PCDHA9: variants seen among roughly 807,000 people sequenced by gnomAD.
The protein encoded by PCDHA9 is protocadherin alpha-9.
PCDHA9 carries 62 observed loss-of-function variants against 62.0 expected under a neutral mutation model. The observed-to-expected ratio is 1.00, with a 90% CI of 0.81 to 1.23. The LOEUF is 1.23. Ranked by LOEUF, PCDHA9 falls within the 50% of genes most tolerant of loss-of-function variation. PCDHA9 has a pLI of 0.00. For synonymous variants in PCDHA9, 557 were observed against 567.6 expected, an observed-to-expected ratio of 0.98 and a Z score of 0.27; for missense variants, 1,205 against 1,249.8, an observed-to-expected ratio of 0.96 and a Z score of 0.54.
At chr5:140,886,155 T>C (rs528104847) in intron 1 of PCDHA9, among the ~76,000 whole-genome samples, 1 of 152,212 alleles carries the variant, frequency 6.6e-6, no homozygotes, top group African/African-American at 2.4e-5. Context: ...CACCTTTTTA[T>C]AGCCACATCT....
At chr5:140,866,639 A>G (rs782198143) in intron 1 of PCDHA9, 1 of 152,148 alleles carries the variant, frequency 6.6e-6, no homozygotes, top group Non-Finnish European at 1.5e-5. Flanking sequence ...CAACGGTGTC[A>G]AAATTTATTT....
chr5:140,885,367 G>T (rs1476588272), intron 1 of PCDHA9, among the ~76,000 whole-genome samples: 2 of 152,244 alleles, frequency 1.3e-5, no homozygotes, highest in African/African-American at 4.8e-5. Flanking sequence ...GTGACTGAAA[G>T]TACCTTTTGG....
chr5:140,863,505 C>A, intron 1 of PCDHA9: 1 of 421,530 alleles, frequency 2.4e-6, no homozygotes. Flanking sequence ...GGCTTTTAGT[C>A]CTAGTGTTCT....
Position 141,010,339 on chromosome 5 carries a change from A to C in PCDHA9, c.*402A>C. ...TTGAGCAGCTTGGGAGTTTGTGGCCACTGGGTATGTGTGGCTACCGCGGGT... is the reference window on the plus strand; with the variant it reads ...TTGAGCAGCTTGGGAGTTTGTGGCCCCTGGGTATGTGTGGCTACCGCGGGT... On this transcript the variant is annotated 3_prime_UTR_variant, in exon 4 of 4. Coordinates refer to ENST00000532602, the MANE Select transcript of PCDHA9 (RefSeq NM_031857.2). 6.5e-7 allele frequency: 1 copy of C among 1,534,060 alleles called. No homozygotes were observed. The highest frequency in any genetic ancestry group is 8.8e-7 in the Non-Finnish European group (1 of 1,140,682).
chr5:140,891,756 G>A (rs782304941), intron 1 of PCDHA9, among the ~76,000 whole-genome samples: 20 of 152,144 alleles, frequency 1.3e-4, no homozygotes, highest in Non-Finnish European at 2.5e-4. Flanking sequence ...AACAGTGTTG[G>A]GAGGTGGGGA....
chr5:140,877,224 G>C (rs986695805), intron 1 of PCDHA9: 6 of 1,613,712 alleles, frequency 3.7e-6, no homozygotes, highest in Admixed American at 1.7e-5. Flanking sequence ...TACCGCGGTC[G>C]GTGGGTGCGG....
chr5:140,928,033 A>G, intron 1 of PCDHA9: 1 of 1,614,198 alleles, frequency 6.2e-7, no homozygotes, highest in Non-Finnish European at 8.5e-7. Context: ...TGGCATGTCT[A>G]GTGCAGGCCC....
At chr5:141,001,097 T>TC (rs1554257999) in intron 3 of PCDHA9, among the ~76,000 whole-genome samples, 1 of 152,114 alleles carries the variant, frequency 6.6e-6, no homozygotes, top group Non-Finnish European at 1.5e-5. Flanking sequence ...AACTGTCTAA[T>TC]CCATAATAAG....
intron 1 of PCDHA9, chr5:140,862,425 A>T: frequency 2.8e-6 from 1 of 353,460 alleles, no homozygotes; most frequent in Non-Finnish European, 5.6e-6. Context: ...GCTGCCCAGA[A>T]ACTATTCGTT....
At chr5:140,852,691 T>C (rs1027871378) in intron 1 of PCDHA9, 4 of 974,686 alleles carry the variant, frequency 4.1e-6, no homozygotes, top group East Asian at 1.1e-4. Context: ...TATAGTCTTA[T>C]ACTTTCAAGT....
At chr5:140,888,752 C>A (rs782384703) in intron 1 of PCDHA9, among the ~76,000 whole-genome samples, 44 of 151,842 alleles carry the variant, frequency 2.9e-4, no homozygotes, top group Non-Finnish European at 5.7e-4. Context: ...TTATTCTACC[C>A]ACTTTTTTTT....
intron 1 of PCDHA9, among the ~76,000 whole-genome samples, chr5:140,938,848 G>T (rs1554212426): frequency 6.6e-6 from 1 of 151,980 alleles, no homozygotes; most frequent in Non-Finnish European, 1.5e-5. Flanking sequence ...ACCTGCCCAT[G>T]TACCCCTGAA....
At chr5:141,009,602 T>G in intron 3 of PCDHA9, 25 bp from the exon 4 acceptor site, 1 of 1,608,136 alleles carries the variant, frequency 6.2e-7, no homozygotes, top group Non-Finnish European at 8.5e-7. Flanking sequence ...ACCCTGTTAA[T>G]GATTTGTAAT....
At chr5:140,914,116 A>T (rs2076611706) in intron 1 of PCDHA9, among the ~76,000 whole-genome samples, 1 of 152,128 alleles carries the variant, frequency 6.6e-6, no homozygotes. Flanking sequence ...ATTAAGTCTG[A>T]TGTTTCTTTG....
chr5:140,872,444 T>C (rs2053673560), intron 1 of PCDHA9, among the ~76,000 whole-genome samples: 2 of 152,002 alleles, frequency 1.3e-5, no homozygotes, highest in Admixed American at 1.3e-4. Flanking sequence ...CTGGACAACA[T>C]AGCGAGATCC....
intron 1 of PCDHA9, among the ~76,000 whole-genome samples, chr5:140,919,377 A>G (rs2079104195): frequency 1.3e-5 from 2 of 152,208 alleles, no homozygotes; most frequent in Non-Finnish European, 2.9e-5. Context: ...CAGACAACAC[A>G]TAGTTGGATG....
At chr5:140,928,696 C>A in intron 1 of PCDHA9, 2 of 1,614,146 alleles carry the variant, frequency 1.2e-6, no homozygotes, top group South Asian at 2.2e-5. Flanking sequence ...CCACATCTCC[C>A]GGGCGTCTGA....
intron 1 of PCDHA9, chr5:140,875,267 C>T (rs1203068511): frequency 2.5e-6 from 3 of 1,210,992 alleles, no homozygotes; most frequent in Admixed American, 3.0e-5. Context: ...TGTCGCTCTA[C>T]ACTCAGAAGG....
intron 1 of PCDHA9, among the ~76,000 whole-genome samples, chr5:140,941,599 G>A (rs1017713166): frequency 3.3e-5 from 5 of 152,116 alleles, no homozygotes; most frequent in African/African-American, 1.2e-4. Flanking sequence ...ACAGCCATGA[G>A]CCATGGTGCC....
Sources: gnomAD v4.1 joint callset for allele counts (sites outside exome capture counted in the v4.1 genomes callset) on GRCh38, gnomAD v4.1.1 for gene constraint, MANE v1.5 for transcripts, NCBI Gene and HGNC (gene_info 2026-07-23, HGNC 2026-07-21) for gene names.